IFT172: variants seen among roughly 807,000 people sequenced by gnomAD.
IFT172 encodes the protein intraflagellar transport protein 172 homolog.
Under a neutral mutation model 248.9 loss-of-function variants are expected in IFT172, and 164 were observed. The observed-to-expected ratio is 0.66, with a 90% CI of 0.58 to 0.75. The LOEUF is 0.75. Among genes scored for constraint, IFT172 ranks in the 30% least tolerant of loss-of-function variants. The pLI is 0.00. For missense variants in IFT172, 1,950 were observed against 2,192.4 expected, an observed-to-expected ratio of 0.89 and a Z score of 2.21; for synonymous variants, 729 against 791.6, an observed-to-expected ratio of 0.92 and a Z score of 1.33.
intron 10 of IFT172, among the ~76,000 whole-genome samples, chr2:27,478,709 C>T (rs913255854): frequency 5.9e-5 from 9 of 152,132 alleles, no homozygotes; most frequent in African/African-American, 2.2e-4. Flanking sequence ...CAATGCCTAA[C>T]ACTGCTGACA....
At chr2:27,461,235 G>A in intron 22 of IFT172, 34 bp downstream of exon 22, 1 of 1,612,966 alleles carries the variant, frequency 6.2e-7, no homozygotes, top group African/African-American at 1.3e-5. Context: ...CCTGAGCTCT[G>A]GAGATAAGGG....
rs756767071 is a variant in IFT172 at position 27,461,038 on chromosome 2, C to T, written c.2498G>A (p.Arg833His). The T allele has an allele frequency of 1.1e-5, 17 of 1,614,010 alleles. No homozygotes were observed. The South Asian group carries it at 1.1e-4, about 10-fold the overall frequency. ...ACCTTTCATGAATGCGTTGCCTTTA[C>T]GGTAGCACTCCAGGGCCTTCTGTGG... ...HNPQKALECYRKGNAFMKAVE... is the reference protein window; with the variant it reads ...HNPQKALECYHKGNAFMKAVE... The change falls in exon 23 of 48, where the codon CGT becomes CAT. Residue 833 changes from arginine to histidine, a missense_variant. Coordinates refer to ENST00000260570, the MANE Select transcript of IFT172 (RefSeq NM_015662.3).
At chr2:27,465,343 C>T in intron 18 of IFT172, 68 bp downstream of exon 18, 1 of 1,332,080 alleles carries the variant, frequency 7.5e-7, no homozygotes, top group Non-Finnish European at 1.1e-6. Context: ...GAGTAGCCCA[C>T]AGGGAAAATA....
Position 27,461,397 on chromosome 2 carries a change from G to A in IFT172, c.2314C>T (p.Leu772Phe), listed in dbSNP as rs780136801. ...GCAGGGAGCCCAGCTTTGAGGTAGA[G>A]GCTGATGGCTGCTAGCCCATCCCCT... ...SQGDGLAAIS[L>F]YLKAGLPAKA... The change falls in exon 22 of 48, where the codon CTC becomes TTC. Residue 772 changes from leucine to phenylalanine, a missense_variant. Coordinates refer to ENST00000260570, the MANE Select transcript of IFT172 (RefSeq NM_015662.3). 3 of 1,614,070 alleles carry A rather than the reference G, an allele frequency of 1.9e-6. No homozygotes were observed. The highest frequency in any genetic ancestry group is 1.1e-5 in the South Asian group (1 of 91,092).
In IFT172 at chr2:27,484,260, G is replaced by T; in HGVS notation, c.303C>A (p.Asp101Glu). ...YVYKIGEDWG[D>E]KKVICNKFIQ... ...TGAACTTGTTGCAGATGACTTTCTT[G>T]TCACCCCTGCCAAACAAAAGAAGGG... The change falls in exon 4 of 48, where the codon GAC becomes GAA. Residue 101 changes from aspartate (D) to glutamate (E), a missense_variant. Coordinates refer to ENST00000260570, the MANE Select transcript of IFT172 (RefSeq NM_015662.3). 6.2e-7 allele frequency: 1 copy of T among 1,613,914 alleles called. No homozygotes were observed. Among genetic ancestry groups the T allele is most frequent in the African/African-American group, 1.3e-5 (1 of 75,024 alleles).
intron 23 of IFT172, 67 bp downstream of exon 23, chr2:27,460,948 G>C (rs1456262707): frequency 1.9e-6 from 3 of 1,591,258 alleles, no homozygotes; most frequent in Non-Finnish European, 8.6e-7. Flanking sequence ...ACCCCTACAA[G>C]AGGTGCCAGG....
intron 1 of IFT172, among the ~76,000 whole-genome samples, chr2:27,485,810 T>C (rs996571058): frequency 3.3e-5 from 5 of 152,222 alleles, no homozygotes; most frequent in Admixed American, 1.3e-4. Context: ...TAAATTCAAT[T>C]AGTCTGGTAA....
intron 16 of IFT172, 122 bp downstream of exon 16, chr2:27,470,806 C>T (rs1667507202): frequency 5.2e-6 from 5 of 959,542 alleles, no homozygotes; most frequent in Non-Finnish European, 7.4e-6. Context: ...GCTTTATTTG[C>T]CAATTCTATC....
chr2:27,488,901 G>T (rs1186432317), intron 1 of IFT172, among the ~76,000 whole-genome samples: 1 of 152,210 alleles, frequency 6.6e-6, no homozygotes, highest in Non-Finnish European at 1.5e-5. Context: ...AATTACCCGG[G>T]CGTGCTAGCG....
At chr2:27,465,160 T>C (rs1036147911) in intron 18 of IFT172, 2 of 465,694 alleles carry the variant, frequency 4.3e-6, no homozygotes, top group Non-Finnish European at 7.8e-6. Context: ...GACCTTGTGA[T>C]CTGCCCACCT....
intron 8 of IFT172, 95 bp from the exon 9 acceptor site, chr2:27,480,244 GA>G: frequency 1.4e-6 from 2 of 1,437,512 alleles, no homozygotes; most frequent in Non-Finnish European, 1.8e-6. Flanking sequence ...TGCTATATCA[GA>G]AAAGAAAGGA....
In IFT172 at chr2:27,445,285, G is replaced by A; in HGVS notation, c.5068+11C>T. ...CCACCACAGGATCTGGGGTGCTGTA[G>A]GCTTCTATACCTGTAATAAGGCAGG... On this transcript the variant is annotated intron_variant, in intron 46 of 47. Transcript: ENST00000260570. The surrounding 1 kb of genome is among the most constrained non-coding windows in gnomAD (Gnocchi z 4.4). 1 of 1,605,514 alleles carries A rather than the reference G, an allele frequency of 6.2e-7. No homozygotes were observed. Among genetic ancestry groups the A allele is most frequent in the Non-Finnish European group, 8.5e-7 (1 of 1,174,662 alleles).
At chr2:27,446,990 C>T (rs1362451379) in intron 42 of IFT172, among the ~76,000 whole-genome samples, 1 of 152,092 alleles carries the variant, frequency 6.6e-6, no homozygotes, top group South Asian at 2.1e-4. Flanking sequence ...TGAGCCACCG[C>T]GCCCGGCCAA....
In IFT172 at chr2:27,446,716, G is replaced by A. The variant is rs1197565935; in HGVS notation, c.4660-361C>T. 1.0e-4 allele frequency among the ~76,000 whole-genome samples: 10 copies of A among 100,172 alleles called. 1 individual carries two copies. The highest frequency in any genetic ancestry group is 3.2e-4 in the African/African-American group (8 of 24,972). The allele number at this position is 100,172 out of a possible 152,430, so 65.7% of individuals were successfully genotyped here. A position where few individuals can be genotyped will look rare whatever the true frequency, so the allele number is the denominator to read the frequency against. On this transcript the variant is annotated intron_variant, in intron 42 of 47. Coordinates refer to ENST00000260570, the MANE Select transcript of IFT172 (RefSeq NM_015662.3). ...TTTTTTTTTTTTTTTTTTTTGAGAC[G>A]GAGTCTCGCTCTGTCGCCCAGGCCA...
rs1329856696 is a variant in IFT172 at position 27,445,320 on chromosome 2, G to C, written c.5044C>G (p.Arg1682Gly). ...CCTGTAATAAGGCAGGGCAGGGCTC[G>C]AACACCAGTGCTCGCTGCCACTAGG... ...ASLVAASTGV[R>G]ALPCLITGYP... The change falls in exon 46 of 48, where the codon CGA becomes GGA. Residue 1682 changes from arginine to glycine, a missense_variant. This residue lies in a region of IFT172 where 620 missense variants were observed against 699.0 expected (regional missense o/e 0.89). Transcript: ENST00000260570. The surrounding 1 kb of genome is among the most constrained non-coding windows in gnomAD (Gnocchi z 4.4). 1.2e-6 allele frequency: 2 copies of C among 1,613,154 alleles called. No homozygotes were observed. Among genetic ancestry groups the C allele is most frequent in the Non-Finnish European group, 1.7e-6 (2 of 1,179,682 alleles).
intron 30 of IFT172, chr2:27,455,484 G>A: frequency 5.1e-6 from 1 of 195,140 alleles, no homozygotes; most frequent in South Asian, 7.7e-5. Flanking sequence ...CAAGGCAGGT[G>A]GATCACAAGG....
chr2:27,475,263 A>G (rs1399342746), intron 14 of IFT172, among the ~76,000 whole-genome samples: 1 of 152,238 alleles, frequency 6.6e-6, no homozygotes, highest in Non-Finnish European at 1.5e-5. Context: ...ACTTTTTTAG[A>G]GAACAATTTG....
At chr2:27,444,951 G>GTTTTTTTTTTTTTTT in intron 47 of IFT172, 63 bp downstream of exon 47, 1 of 1,513,338 alleles carries the variant, frequency 6.6e-7, no homozygotes, top group Non-Finnish European at 9.0e-7. Context: ...ACCCAGACTT[G>GTTTTTTTTTTTTTTT]TTTTTTTTTC....
At chr2:27,461,679 ATGGCCTCCT>A (rs903342520) in intron 21 of IFT172, 71 bp downstream of exon 21, 1 of 1,583,282 alleles carries the variant, frequency 6.3e-7, no homozygotes, top group Non-Finnish European at 8.7e-7. Context: ...TCTGGTTTCT[ATGGCCTCCT>A]TGACAAAAGG....
Sources: allele counts gnomAD v4.1 joint callset (sites outside exome capture counted in the v4.1 genomes callset), GRCh38; gene constraint gnomAD v4.1.1; regional missense constraint gnomAD v4.1.1; non-coding constraint Gnocchi (gnomAD v3.1); transcripts MANE v1.5; gene names NCBI Gene and HGNC (gene_info 2026-07-23, HGNC 2026-07-21).